PLEKHM1: variants seen among roughly 807,000 people sequenced by gnomAD.
PLEKHM1 encodes the protein pleckstrin homology domain-containing family M member 1.
A neutral mutation model predicts 94.3 loss-of-function variants in PLEKHM1; 28 were observed. That is an observed-to-expected ratio of 0.30 (90% CI 0.22 to 0.41). PLEKHM1 has a LOEUF of 0.41. Ranked by LOEUF, PLEKHM1 falls within the 10% of genes least tolerant of loss-of-function variation. PLEKHM1 has a pLI of 1.00. For synonymous variants in PLEKHM1, 424 were observed against 581.2 expected (o/e 0.73, Z 3.89); for missense variants, 907 against 1,358.6 (o/e 0.67, Z 5.22).
chr17:45,471,477 C>T (rs2051508120), intron 4 of PLEKHM1, among the ~76,000 whole-genome samples: 1 of 151,630 alleles, frequency 6.6e-6, no homozygotes, highest in Admixed American at 6.6e-5. Context: ...AACATGTCTA[C>T]CCAGGCTGGG....
intron 1 of PLEKHM1, among the ~76,000 whole-genome samples, chr17:45,484,114 C>T (rs1342172364): frequency 1.3e-5 from 2 of 152,194 alleles, no homozygotes; most frequent in African/African-American, 4.8e-5. Context: ...ATTAAGATAC[C>T]AACTCCAACC....
intron 5 of PLEKHM1, among the ~76,000 whole-genome samples, chr17:45,459,127 A>G (rs2051074768): frequency 6.6e-6 from 1 of 152,186 alleles, no homozygotes; most frequent in South Asian, 2.1e-4. Flanking sequence ...CAACAGAATG[A>G]GACCCCATCT....
intron 5 of PLEKHM1, among the ~76,000 whole-genome samples, chr17:45,461,033 T>C (rs750619801): frequency 2.0e-5 from 3 of 152,264 alleles, no homozygotes; most frequent in Admixed American, 2.0e-4. Flanking sequence ...TACAGGTGCC[T>C]GCCACCACGC....
Position 45,444,097 on chromosome 17 carries a change from G to A in PLEKHM1, c.2837+1373C>T, listed in dbSNP as rs187131952. 3.2e-4 allele frequency among the ~76,000 whole-genome samples: 48 copies of A among 152,266 alleles called. 1 individual carries two copies. The East Asian group carries it at 8.5e-3, about 27-fold the overall frequency. On this transcript the variant is annotated intron_variant, in intron 9 of 11. Coordinates refer to ENST00000430334, the MANE Select transcript of PLEKHM1 (RefSeq NM_014798.3). This position sits in a 1 kb window ranked among gnomAD's most constrained non-coding sequence, Gnocchi z 5.0. ...GCACACCCTGGCCCTGAGGAGGCCC[G>A]GCTCTGGGAGCACTGCAGCCAGGAT...
chr17:45,457,121 A>C (rs1447403755), intron 6 of PLEKHM1, among the ~76,000 whole-genome samples: 8 of 146,468 alleles, frequency 5.5e-5, no homozygotes, highest in African/African-American at 1.7e-4. Context: ...CAGTGAGCTG[A>C]GATTATACCA....
Position 45,439,562 on chromosome 17 carries a change from C to A in PLEKHM1, c.2974G>T (p.Asp992Tyr). The A allele has an allele frequency of 6.2e-7, 1 of 1,614,156 alleles. No homozygotes were observed. The highest frequency in any genetic ancestry group is 8.5e-7 in the Non-Finnish European group (1 of 1,180,038). ...ATGAAGCCGCGCTGGGTGCACAGGT[C>A]GCAGTGGTAGACATGCTGGGAGGCA... ...EFASQHVYHC[D>Y]LCTQRGFICQ... Residue 992 changes from aspartate to tyrosine, a missense_variant, in exon 11 of 12, where the codon GAC (aspartate) becomes TAC (tyrosine). Coordinates refer to ENST00000430334, the MANE Select transcript of PLEKHM1 (RefSeq NM_014798.3).
chr17:45,437,292 G>A lies in PLEKHM1; in HGVS notation c.*566C>T, dbSNP rs1327782290. The A allele has an allele frequency of 6.6e-6, 3 of 454,008 alleles. No individual in the cohort carries two copies. Among genetic ancestry groups the A allele is most frequent in the African/African-American group, 6.0e-5 (3 of 50,018 alleles). 28.1% of individuals were successfully genotyped at this position (454,008 alleles called of 1,614,324 possible). Reference sequence around the variant, plus strand: ...AGGGCCAAGGAAAGGCACTGGGTGGGCCCATAGACCCTGTCCCAGCAGTGG... The same window carrying A: ...AGGGCCAAGGAAAGGCACTGGGTGGACCCATAGACCCTGTCCCAGCAGTGG... On this transcript the variant is annotated 3_prime_UTR_variant, in exon 12 of 12. Coordinates refer to ENST00000430334, the MANE Select transcript of PLEKHM1 (RefSeq NM_014798.3). This position sits in a 1 kb window ranked among gnomAD's most constrained non-coding sequence, Gnocchi z 4.0.
Position 45,445,684 on chromosome 17 carries a change from T to C in PLEKHM1, c.2644-21A>G. 2 of 1,610,120 alleles carry C rather than the reference T, an allele frequency of 1.2e-6. No individual in the cohort carries two copies. The highest frequency in any genetic ancestry group is 1.7e-6 in the Non-Finnish European group (2 of 1,176,826). ...CAGATCTGGGGGTACCACCAGGCAT[T>C]GGGGATGGGAAGGAATGGCTGTTCA... On this transcript the variant is annotated intron_variant, in intron 8 of 11. Coordinates refer to ENST00000430334, the MANE Select transcript of PLEKHM1 (RefSeq NM_014798.3). This position sits in a 1 kb window ranked among gnomAD's most constrained non-coding sequence, Gnocchi z 4.2.
chr17:45,490,121 G>A (rs1383247569), intron 1 of PLEKHM1, among the ~76,000 whole-genome samples: 2 of 152,116 alleles, frequency 1.3e-5, no homozygotes, highest in Non-Finnish European at 2.9e-5. Context: ...CTTTGGGGGT[G>A]GGTCTTAGAT....
At position 45,458,287 on chromosome 17, in the gene PLEKHM1, T is replaced by C. The variant is rs1755947175; in HGVS notation, c.1461A>G (p.Lys487=). ...LHRHFSQEPR[K]NCSLGALDQA... ...GGTCTAACGCCCCCAGGGAGCAGTT[T>C]TTTCTTGGTTCTTGAGAAAAATGCC... is the stretch of plus-strand genomic sequence containing the variant. Residue 487 remains lysine, a synonymous_variant, in exon 6 of 12, where the codon AAA becomes AAG. Transcript: ENST00000430334. The C allele has an allele frequency of 6.2e-7, 1 of 1,612,518 alleles. No homozygotes were observed.
chr17:45,450,495 C>T (rs2050746051), intron 8 of PLEKHM1, 123 bp downstream of exon 8: 1 of 1,485,238 alleles, frequency 6.7e-7, no homozygotes, highest in Non-Finnish European at 9.2e-7. Flanking sequence ...GTGCCTGAAC[C>T]AGTGACCCTG....
chr17:45,449,392 A>G (rs558423713), intron 8 of PLEKHM1, among the ~76,000 whole-genome samples: 16 of 151,976 alleles, frequency 1.1e-4, no homozygotes, highest in African/African-American at 3.4e-4. Context: ...CTACCTACCC[A>G]TCTACCCATT....
chr17:45,453,502 C>T lies in PLEKHM1; in HGVS notation c.2350G>A (p.Glu784Lys), dbSNP rs1306755955. ...CTCCCGCCCAGGGTCACCGCCTCCTCGGCTGTCTCCAAGTAGGATGCCAGG... is the reference window on the plus strand; with the variant it reads ...CTCCCGCCCAGGGTCACCGCCTCCTTGGCTGTCTCCAAGTAGGATGCCAGG... Reference protein sequence around the residue: ...KVLASYLETAEEAVTLGGSLD... With the variant: ...KVLASYLETAKEAVTLGGSLD... Residue 784 changes from glutamate (E) to lysine (K), a missense_variant, in exon 7 of 12, where the codon GAG becomes AAG. Coordinates refer to ENST00000430334, the MANE Select transcript of PLEKHM1 (RefSeq NM_014798.3). The surrounding 1 kb of genome is among the most constrained non-coding windows in gnomAD (Gnocchi z 4.1). 19 of 1,609,358 alleles carry T rather than the reference C, an allele frequency of 1.2e-5. No homozygotes were observed. The highest frequency in any genetic ancestry group is 1.4e-5 in the Non-Finnish European group (17 of 1,177,696).
At chr17:45,462,860 T>C (rs1432257070) in intron 5 of PLEKHM1, among the ~76,000 whole-genome samples, 5 of 151,844 alleles carry the variant, frequency 3.3e-5, no homozygotes, top group Non-Finnish European at 7.4e-5. Context: ...GGCAGGAAAA[T>C]TGCTTGAGGC....
intron 9 of PLEKHM1, among the ~76,000 whole-genome samples, chr17:45,440,537 A>G (rs2050417827): frequency 6.6e-6 from 1 of 152,224 alleles, no homozygotes. Flanking sequence ...CACAGTAAAC[A>G]CGTAATTAAT....
intron 4 of PLEKHM1, among the ~76,000 whole-genome samples, chr17:45,473,416 C>A (rs1258272989): frequency 6.6e-6 from 1 of 151,580 alleles, no homozygotes; most frequent in East Asian, 1.9e-4. Context: ...ACAGTGAGAC[C>A]CCCGTCTCTA....
chr17:45,487,979 T>A (rs375519213), intron 1 of PLEKHM1: 106 of 354,918 alleles, frequency 3.0e-4, no homozygotes, highest in South Asian at 2.2e-3. Context: ...GAAAGGCAGC[T>A]GATCTTTCAG....
At chr17:45,440,014 C>G (rs2050393586) in intron 10 of PLEKHM1, 149 bp downstream of exon 10, 1 of 766,376 alleles carries the variant, frequency 1.3e-6, no homozygotes, top group African/African-American at 1.7e-5. Context: ...GCTGGGGCAG[C>G]AGGGCAACCC....
At chr17:45,456,345 C>T (rs1329290777) in intron 6 of PLEKHM1, 2 of 152,270 alleles carry the variant, frequency 1.3e-5, no homozygotes, top group Non-Finnish European at 2.9e-5. Context: ...GTGCCTGGCA[C>T]ATCACAGAGC....
Sources: allele counts gnomAD v4.1 joint callset (sites outside exome capture counted in the v4.1 genomes callset), GRCh38; gene constraint gnomAD v4.1.1; non-coding constraint Gnocchi (gnomAD v3.1); transcripts MANE v1.5; gene names NCBI Gene and HGNC (gene_info 2026-07-23, HGNC 2026-07-21).